Variants in NOL9 observed in about 807,000 individuals in gnomAD.
The protein encoded by NOL9 is polynucleotide 5'-hydroxyl-kinase NOL9.
NOL9 carries 28 observed loss-of-function variants against 67.9 expected under a neutral mutation model. The ratio of observed to expected loss-of-function variants is 0.41; its 90% CI spans 0.31 to 0.57. The LOEUF (loss-of-function observed/expected upper bound fraction) is 0.57, where lower values mean the gene tolerates loss of function less well. NOL9 is among the 20% of genes least tolerant of loss of function. NOL9 has a pLI of 0.25. For missense variants in NOL9, 777 were observed against 897.0 expected, an observed-to-expected ratio of 0.87 and a Z score of 1.71; for synonymous variants, 356 against 352.2, an observed-to-expected ratio of 1.01 and a Z score of -0.12.
In NOL9 at chr1:6,526,771, G is replaced by T. The variant is rs779223303; in HGVS notation, c.1884C>A (p.Pro628=). 5.6e-6 allele frequency: 9 copies of T among 1,613,844 alleles called. No homozygotes were observed. Among genetic ancestry groups the T allele is most frequent in the Non-Finnish European group, 7.6e-6 (9 of 1,179,852 alleles). Residue 628 remains proline, a synonymous_variant, in exon 11 of 12, where the codon CCC becomes CCA. Transcript: ENST00000377705. ...KRLYHILTPV[P]PEELRTVNCL... ...AATTCACGGTCCTTAGCTCTTCCGG[G>T]GGCACAGGGGTGAGGATGTGGTACA...
At chr1:6,552,008 C>G (rs1639552759) in intron 1 of NOL9, among the ~76,000 whole-genome samples, 1 of 152,194 alleles carries the variant, frequency 6.6e-6, no homozygotes, top group Non-Finnish European at 1.5e-5. Context: ...GCACTCCAGC[C>G]TGGGCAACAG....
At chr1:6,529,356 C>T (rs546276485) in intron 9 of NOL9, among the ~76,000 whole-genome samples, 185 bp from the exon 10 acceptor site, 24 of 152,100 alleles carry the variant, frequency 1.6e-4, no homozygotes, top group African/African-American at 5.5e-4. Flanking sequence ...TTTGGGAGGC[C>T]GACGCGGGTG....
chr1:6,547,945 A>G (rs1570081041), intron 3 of NOL9: 1 of 238,984 alleles, frequency 4.2e-6, no homozygotes, highest in Non-Finnish European at 8.7e-6. Context: ...TTCCTACAAT[A>G]CATCATCATA....
At chr1:6,535,139 A>G in intron 6 of NOL9, among the ~76,000 whole-genome samples, 1 of 152,192 alleles carries the variant, frequency 6.6e-6, no homozygotes, top group East Asian at 1.9e-4. Context: ...AGGTATCTAC[A>G]GAAGTACAGA....
chr1:6,525,679 C>T lies in NOL9; in HGVS notation c.*175G>A. On this transcript the variant is annotated 3_prime_UTR_variant, in exon 12 of 12. Coordinates refer to ENST00000377705, the MANE Select transcript of NOL9 (RefSeq NM_024654.5). ...AGACTAGAACAAATTCTAGCTCATGCAGCTTTAAAAGAGAAACTTAAGACT... is the reference window on the plus strand; with the variant it reads ...AGACTAGAACAAATTCTAGCTCATGTAGCTTTAAAAGAGAAACTTAAGACT... 1 of 674,556 alleles carries T rather than the reference C, an allele frequency of 1.5e-6. No homozygotes were observed. The highest frequency in any genetic ancestry group is 2.7e-5 in the Admixed American group (1 of 36,752). 41.8% of individuals were successfully genotyped at this position (674,556 alleles called of 1,614,324 possible). A position where few individuals can be genotyped will look rare whatever the true frequency, so the allele number is the denominator to read the frequency against.
rs1639489241 is a variant in NOL9 at position 6,549,266 on chromosome 1, A to C, written c.744+305T>G. ...AGTGAGACTCCGTCTCAAAAAAACG[A>C]ACCAACCAACCAACCAACCAACCAA... On this transcript the variant is annotated intron_variant, in intron 3 of 11. Transcript: ENST00000377705. 1.6e-5 allele frequency: 3 copies of C among 189,612 alleles called. No individual in the cohort carries two copies. In the Admixed American group the frequency reaches 1.8e-4, roughly 12 times the overall value. 11.7% of individuals were successfully genotyped at this position (189,612 alleles called of 1,614,324 possible).
intron 5 of NOL9, 150 bp downstream of exon 5, chr1:6,544,676 G>C (rs1001638926): frequency 1.3e-4 from 92 of 728,136 alleles, no homozygotes; most frequent in Non-Finnish European, 1.9e-4. Flanking sequence ...CAAAGCAGAC[G>C]GCAGTGAGGA....
chr1:6,529,931 C>A (rs1279016203), intron 9 of NOL9, among the ~76,000 whole-genome samples: 1 of 151,784 alleles, frequency 6.6e-6, no homozygotes. Flanking sequence ...ATCTCAAAAA[C>A]AAAAATTAAA....
intron 1 of NOL9, 149 bp downstream of exon 1, chr1:6,553,958 C>T: frequency 1.6e-6 from 1 of 617,518 alleles, no homozygotes; most frequent in Non-Finnish European, 2.6e-6. Context: ...CTAGTTGCCA[C>T]CAACCATCAA....
At chr1:6,548,643 T>A in intron 3 of NOL9, 1 of 310,402 alleles carries the variant, frequency 3.2e-6, no homozygotes, top group Non-Finnish European at 6.5e-6. Flanking sequence ...CCTTTTTGAC[T>A]AATAAAAATT....
chr1:6,546,302 A>T (rs866711771), intron 3 of NOL9, among the ~76,000 whole-genome samples: 2 of 152,248 alleles, frequency 1.3e-5, no homozygotes, highest in East Asian at 3.8e-4. Context: ...AGCATCTGGA[A>T]CATTCACTTT....
chr1:6,525,992 T>C lies in NOL9; in HGVS notation c.1971A>G (p.Glu657=). The change falls in exon 12 of 12, where the codon GAA becomes GAG. Residue 657 remains glutamate, a synonymous_variant. Transcript: ENST00000377705. Reference sequence around the variant, plus strand: ...CCGTTGTGACATAAGGTACTGTCCCTTCGATCCCACGCTGAAACGGAAACA... The same window carrying C: ...CCGTTGTGACATAAGGTACTGTCCCCTCGATCCCACGCTGAAACGGAAACA... ...HCVLKCQRGI[E]GTVPYVTTDY... is the part of the protein sequence containing the mutation. The C allele has an allele frequency of 1.9e-6, 3 of 1,613,958 alleles. No homozygotes were observed. The highest frequency in any genetic ancestry group is 2.5e-6 in the Non-Finnish European group (3 of 1,179,852).
Position 6,550,576 on chromosome 1 carries a change from A to G in NOL9, c.436T>C (p.Tyr146His), listed in dbSNP as rs1232571484. ...FSGICRVTCL[Y>H]GQVQVFGFTI... is the part of the protein sequence containing the mutation. ...AAACCAAATACCTGCACCTGGCCAT[A>G]GAGGCAAGTCACACGACAGATCCCA... Residue 146 changes from tyrosine to histidine, a missense_variant, in exon 2 of 12, where the codon TAT (tyrosine) becomes CAT (histidine). By Grantham distance (83) the Tyr-to-His change is moderately conservative (BLOSUM62 2). Around this residue, in one of 2 missense-constraint regions of NOL9, gnomAD observed 364 missense variants for 344.4 expected, o/e 1.06. Coordinates refer to ENST00000377705, the MANE Select transcript of NOL9 (RefSeq NM_024654.5). The G allele has an allele frequency of 6.2e-6, 10 of 1,614,100 alleles. No homozygotes were observed. The highest frequency in any genetic ancestry group is 8.5e-6 in the Non-Finnish European group (10 of 1,180,002).
chr1:6,547,941 C>T, intron 3 of NOL9: 1 of 237,096 alleles, frequency 4.2e-6, no homozygotes, highest in Non-Finnish European at 8.8e-6. Flanking sequence ...GGCTTTCCTA[C>T]AATACATCAT....
chr1:6,535,106 G>C (rs74550166), intron 6 of NOL9, among the ~76,000 whole-genome samples: 1 of 152,072 alleles, frequency 6.6e-6, no homozygotes, highest in Non-Finnish European at 1.5e-5. Context: ...CACCGTGCCT[G>C]GTTTTAATGA....
chr1:6,529,264 G>T (rs1252860039), intron 9 of NOL9, 93 bp from the exon 10 acceptor site: 3 of 1,126,102 alleles, frequency 2.7e-6, no homozygotes, highest in Non-Finnish European at 3.9e-6. Context: ...CTAAAGATAG[G>T]TCTGCCAAAG....
chr1:6,526,401 C>T (rs1638884858), intron 11 of NOL9, among the ~76,000 whole-genome samples: 1 of 152,154 alleles, frequency 6.6e-6, no homozygotes, highest in South Asian at 2.1e-4. Flanking sequence ...AGACTGTCCT[C>T]AGGAGGGCAA....
chr1:6,544,583 A>C, intron 5 of NOL9, among the ~76,000 whole-genome samples: 1 of 127,758 alleles, frequency 7.8e-6, no homozygotes, highest in Non-Finnish European at 1.6e-5. Flanking sequence ...ATAAATACAG[A>C]CTCTGAGACC....
intron 9 of NOL9, among the ~76,000 whole-genome samples, chr1:6,530,270 T>C (rs1216619933): frequency 2.6e-5 from 4 of 152,026 alleles, no homozygotes; most frequent in Non-Finnish European, 5.9e-5. Context: ...CTGGCTAACA[T>C]GGTGAAACCC....
Sources: allele counts gnomAD v4.1 joint callset (sites outside exome capture counted in the v4.1 genomes callset), GRCh38; gene constraint gnomAD v4.1.1; regional missense constraint gnomAD v4.1.1; transcripts MANE v1.5; gene names NCBI Gene and HGNC (gene_info 2026-07-23, HGNC 2026-07-21).